Variants in NCAM1 observed in about 807,000 individuals in gnomAD.
The protein encoded by NCAM1 is antigen recognized by monoclonal antibody 5.1H11.
NCAM1 carries 14 observed loss-of-function variants against 109.8 expected under a neutral mutation model. The ratio of observed to expected loss-of-function variants is 0.13; its 90% confidence interval spans 0.08 to 0.20. The LOEUF is 0.20. Among genes scored for constraint, NCAM1 ranks in the 10% least tolerant of loss-of-function variants. The probability of loss-of-function intolerance (pLI) is 1.00; values close to 1 mark genes in which losing one functional copy is unlikely to be tolerated. For synonymous variants in NCAM1, 418 were observed against 442.9 expected (o/e 0.94, Z 0.70); for missense variants, 774 against 1,109.9 (o/e 0.70, Z 4.30).
chr11:113,083,668 T>A (rs1555087718), intron 1 of NCAM1, among the ~76,000 whole-genome samples: 1 of 152,174 alleles, frequency 6.6e-6, no homozygotes, highest in Non-Finnish European at 1.5e-5. Flanking sequence ...TTACTGTGCT[T>A]TTCGGTCCCC....
Position 113,206,173 on chromosome 11 carries a change from T to A in NCAM1, c.621T>A (p.Ile207=), listed in dbSNP as rs1944232516. 1 of 1,611,294 alleles carries A rather than the reference T, an allele frequency of 6.2e-7. No homozygotes were observed. The highest frequency in any genetic ancestry group is 8.5e-7 in the Non-Finnish European group (1 of 1,178,626). The change falls in exon 5 of 20, where the codon ATT becomes ATA. Residue 207 remains isoleucine, a synonymous_variant. Coordinates refer to ENST00000316851, the MANE Select transcript of NCAM1 (RefSeq NM_181351.5). The stretch of plus-strand genomic sequence containing the variant: ...TCAACTTCAAGGACATTCAGGTCAT[T>A]GTGAATGGTGAGGAGAGTCCGTTCT... ...GEINFKDIQV[I]VNVPPTIQAR... is the part of the protein sequence containing the mutation.
intron 1 of NCAM1, among the ~76,000 whole-genome samples, chr11:113,127,538 A>G (rs1169697241): frequency 2.0e-5 from 3 of 152,358 alleles, no homozygotes; most frequent in Non-Finnish European, 2.9e-5. Flanking sequence ...TTAAGGCAGG[A>G]ACTATCTTTT....
chr11:113,003,837 C>T (rs1555072846), intron 1 of NCAM1: 1 of 152,234 alleles, frequency 6.6e-6, no homozygotes, highest in African/African-American at 2.4e-5. Context: ...GGCACGGGCT[C>T]TTGCTTCTGC....
At chr11:113,163,780 TGAA>T (rs1418408723) in intron 1 of NCAM1, among the ~76,000 whole-genome samples, 1 of 152,188 alleles carries the variant, frequency 6.6e-6, no homozygotes, top group African/African-American at 2.4e-5. Flanking sequence ...TCAACTGCCC[TGAA>T]GACGTAAGTG....
intron 1 of NCAM1, chr11:113,041,247 A>G (rs1049448559): frequency 3.3e-5 from 5 of 152,242 alleles, no homozygotes; most frequent in African/African-American, 7.2e-5. Flanking sequence ...TAAGACAGAC[A>G]TAAACCCATA....
intron 1 of NCAM1, among the ~76,000 whole-genome samples, chr11:113,012,007 CCTTCCTTT>C (rs1454451812): frequency 5.8e-5 from 8 of 136,758 alleles, no homozygotes; most frequent in East Asian, 2.4e-4. Context: ...TTCCTTCCTT[CCTTCCTTT>C]CTTTCCTCTT....
intron 15 of NCAM1, among the ~76,000 whole-genome samples, chr11:113,254,294 T>A (rs1185758307): frequency 2.6e-5 from 4 of 152,240 alleles, no homozygotes; most frequent in Admixed American, 6.5e-5. Flanking sequence ...ATCTTTTTAT[T>A]CCTGTTTTTA....
At chr11:113,199,403 G>A (rs1555111417) in intron 1 of NCAM1, among the ~76,000 whole-genome samples, 1 of 152,102 alleles carries the variant, frequency 6.6e-6, no homozygotes, top group East Asian at 1.9e-4. Flanking sequence ...TAGTATTTCA[G>A]TGCTTCGTGT....
intron 14 of NCAM1, among the ~76,000 whole-genome samples, chr11:113,245,067 C>T (rs527293610): frequency 6.6e-6 from 1 of 151,742 alleles, no homozygotes; most frequent in East Asian, 1.9e-4. Context: ...AACATAGGAC[C>T]AAAAGGAATG....
intron 1 of NCAM1, among the ~76,000 whole-genome samples, chr11:113,054,249 A>G (rs1007494213): frequency 6.6e-6 from 1 of 152,198 alleles, no homozygotes; most frequent in African/African-American, 2.4e-5. Context: ...CCAACCAACT[A>G]GTAAGTGAAG....
rs1262962878 is a variant in NCAM1, at chr11:113,274,435, C to A, written c.2457-832C>A. 1.3e-5 allele frequency among the ~76,000 whole-genome samples: 2 copies of A among 152,292 alleles called. No individual in the cohort carries two copies. The highest frequency in any genetic ancestry group is 3.9e-4 in the East Asian group (2 of 5,164). On this transcript the variant is annotated intron_variant, in intron 19 of 19. Coordinates refer to ENST00000316851, the MANE Select transcript of NCAM1 (RefSeq NM_181351.5). The surrounding 1 kb of genome is among the most constrained non-coding windows in gnomAD (Gnocchi z 4.1). ...CTGAGGCTGGGGTCTGTGCCTGTCC[C>A]CATGCATCCTCAGACCCGACTCCCT...
At chr11:113,244,465 A>G (rs1331361336) in intron 14 of NCAM1, among the ~76,000 whole-genome samples, 1 of 152,246 alleles carries the variant, frequency 6.6e-6, no homozygotes, top group Non-Finnish European at 1.5e-5. Flanking sequence ...TAAAGGAAAG[A>G]TGCTCACAAT....
chr11:113,119,744 A>G (rs1017258267), intron 1 of NCAM1, among the ~76,000 whole-genome samples: 36 of 152,058 alleles, frequency 2.4e-4, no homozygotes, highest in African/African-American at 3.4e-4. Flanking sequence ...CTAAATGTCA[A>G]TGGGTTCAGC....
Position 113,273,152 on chromosome 11 carries a change from C to T in NCAM1, c.2456+1276C>T, listed in dbSNP as rs1174987187. On this transcript the variant is annotated intron_variant, in intron 19 of 19. Transcript: ENST00000316851. This position sits in a 1 kb window ranked among gnomAD's most constrained non-coding sequence, Gnocchi z 6.0. The stretch of plus-strand genomic sequence containing the variant: ...AGGCCACCCCTTCCAAGGGGCCCAG[C>T]GCCTCTGCCCCCTCCCCGGCCCCAG... The T allele has an allele frequency of 1.9e-5, 8 of 425,980 alleles. No homozygotes were observed. The highest frequency in any genetic ancestry group is 7.1e-5 in the East Asian group (1 of 14,028). 26.4% of individuals were successfully genotyped at this position (425,980 alleles called of 1,614,324 possible).
chr11:113,117,150 T>A (rs1161814742), intron 1 of NCAM1, among the ~76,000 whole-genome samples: 1 of 151,992 alleles, frequency 6.6e-6, no homozygotes, highest in African/African-American at 2.4e-5. Context: ...AAACAGACTT[T>A]TTTTGGTATT....
Position 113,078,536 on chromosome 11 carries a change from C to T in NCAM1, c.52+116872C>T, listed in dbSNP as rs143665968. 7.6e-4 allele frequency among the ~76,000 whole-genome samples: 116 copies of T among 152,204 alleles called. 1 individual carries two copies. The highest frequency in any genetic ancestry group is 2.7e-3 in the African/African-American group (111 of 41,520). On this transcript the variant is annotated intron_variant, in intron 1 of 19. Transcript: ENST00000316851. The stretch of plus-strand genomic sequence containing the variant: ...TATAGTAACTATAGAAAGCTTTGGT[C>T]AAATAGCTGTTTCGATTGCCATGTT...
chr11:113,118,375 T>A (rs1218719209), intron 1 of NCAM1, among the ~76,000 whole-genome samples: 5 of 151,938 alleles, frequency 3.3e-5, no homozygotes, highest in African/African-American at 9.7e-5. Context: ...CTACTAATGA[T>A]ATCTCAGAAA....
chr11:113,080,465 C>CTTTTTTTTTTT (rs200415631), intron 1 of NCAM1, among the ~76,000 whole-genome samples: 2 of 140,834 alleles, frequency 1.4e-5, no homozygotes. Flanking sequence ...GGTTTTTTTT[C>CTTTTTTTTTTT]TTTTTTTTTT....
At chr11:112,997,231 A>C (rs11214446) in intron 1 of NCAM1, among the ~76,000 whole-genome samples, 1,621 of 152,038 alleles carry the variant, frequency 0.011, 17 homozygotes, top group Non-Finnish European at 0.017. Context: ...AGACATGATT[A>C]TTTTGAGAAA....
Sources: gnomAD v4.1 joint callset for allele counts (sites outside exome capture counted in the v4.1 genomes callset) on GRCh38, gnomAD v4.1.1 for gene constraint, Gnocchi (gnomAD v3.1) non-coding constraint, MANE v1.5 for transcripts, NCBI Gene and HGNC (gene_info 2026-07-23, HGNC 2026-07-21) for gene names.